The following LYRM4 variants were observed in gnomAD, a reference collection of about 807,000 sequenced individuals.
LYRM4 encodes the protein LYR motif containing 4.
In LYRM4, 9 loss-of-function variants were observed where a neutral mutation model predicts 11.7. That is an observed-to-expected ratio of 0.77 (90% confidence interval 0.46 to 1.34). The LOEUF is 1.34. Ranked by LOEUF, LYRM4 falls within the 40% of genes most tolerant of loss-of-function variation. LYRM4 has a pLI of 0.00. For missense variants in LYRM4, 133 were observed against 112.5 expected (o/e 1.18, Z -0.82); for synonymous variants, 42 against 40.4 (o/e 1.04, Z -0.15).
At chr6:5,050,435 AAC>A in the LYRM4 span, among the ~76,000 whole-genome samples, 1 of 152,258 alleles carries the variant, frequency 6.6e-6, no homozygotes, top group African/African-American at 2.4e-5. Context: ...GCATTGCTGC[AAC>A]CATCATTTGC....
chr6:5,243,713 ATTTT>A (rs1764015267), intron 1 of LYRM4, among the ~76,000 whole-genome samples: 2 of 152,210 alleles, frequency 1.3e-5, no homozygotes, highest in Admixed American at 6.5e-5. Context: ...ACAAGAAGTT[ATTTT>A]TATATATCAG....
At chr6:5,058,327 T>G in the LYRM4 span, among the ~76,000 whole-genome samples, 1 of 152,228 alleles carries the variant, frequency 6.6e-6, no homozygotes, top group Non-Finnish European at 1.5e-5. Context: ...TGGCCTTCCC[T>G]GAGTGCTGCC....
chr6:5,213,611 G>A (rs941541954), intron 2 of LYRM4, among the ~76,000 whole-genome samples: 2 of 152,138 alleles, frequency 1.3e-5, no homozygotes, highest in African/African-American at 4.8e-5. Context: ...ACAACTCCAT[G>A]AGGGTTAATA....
the LYRM4 span, among the ~76,000 whole-genome samples, chr6:5,044,540 G>A: frequency 6.6e-6 from 1 of 152,216 alleles, no homozygotes; most frequent in East Asian, 1.9e-4. Context: ...AGATCACCAT[G>A]TGCAGCGTGG....
At chr6:5,214,075 A>G (rs1350081582) in intron 2 of LYRM4, among the ~76,000 whole-genome samples, 1 of 152,204 alleles carries the variant, frequency 6.6e-6, no homozygotes, top group Admixed American at 6.5e-5. Context: ...CCCAGTGGAG[A>G]TGATGACAGC....
intron 1 of LYRM4, among the ~76,000 whole-genome samples, chr6:5,255,352 G>T (rs542350136): frequency 2.6e-5 from 4 of 152,306 alleles, no homozygotes; most frequent in African/African-American, 7.2e-5. Flanking sequence ...GCACCCAGTT[G>T]TCTTCTATTA....
the LYRM4 span, among the ~76,000 whole-genome samples, chr6:5,054,998 AC>A: frequency 3.9e-5 from 6 of 152,172 alleles, no homozygotes; most frequent in Non-Finnish European, 8.8e-5. Context: ...AGAGTCTGAC[AC>A]CTTTTAGGGT....
chr6:5,126,723 A>G (rs1030594063), intron 2 of LYRM4, among the ~76,000 whole-genome samples: 4 of 152,338 alleles, frequency 2.6e-5, no homozygotes, highest in Admixed American at 1.3e-4. Context: ...ATAGAAGCCA[A>G]ACACAAAAGG....
In LYRM4 at chr6:5,154,814, G is replaced by A. The variant is rs568203461; in HGVS notation, c.208-45323C>T. Among the ~76,000 whole-genome samples, 77 of 151,928 alleles carry A rather than the reference G, an allele frequency of 5.1e-4. 1 individual carries two copies. Among genetic ancestry groups the A allele is most frequent in the East Asian group, 4.7e-3 (24 of 5,128 alleles). Reference sequence around the variant, plus strand: ...AGCCTGGGCGACAGAGCGAGACTCCGTCTCAAAAAATAAATGAATAAATAA... The same window carrying A: ...AGCCTGGGCGACAGAGCGAGACTCCATCTCAAAAAATAAATGAATAAATAA... On this transcript the variant is annotated intron_variant, in intron 2 of 2. Coordinates refer to ENST00000330636, the MANE Select transcript of LYRM4 (RefSeq NM_020408.6).
intron 1 of LYRM4, among the ~76,000 whole-genome samples, chr6:5,255,588 G>C (rs745546364): frequency 6.6e-6 from 1 of 152,056 alleles, no homozygotes; most frequent in South Asian, 2.1e-4. Context: ...AAAGGCCTAA[G>C]ACCAGTTAAG....
chr6:5,124,607 A>G (rs1213283864), intron 2 of LYRM4, among the ~76,000 whole-genome samples: 2 of 152,254 alleles, frequency 1.3e-5, no homozygotes, highest in East Asian at 3.9e-4. Context: ...TTCGACTTCA[A>G]TCACCATGAT....
rs545724927 is a variant in LYRM4 at position 5,112,388 on chromosome 6, C to G, written c.208-2897G>C. 2.0e-5 allele frequency among the ~76,000 whole-genome samples: 3 copies of G among 152,226 alleles called. 1 individual carries two copies. The South Asian group carries it at 6.2e-4, about 32-fold the overall frequency. ...GTGATGAGCGAGCGAGCGAAGGAAT[C>G]TGAGCCCAATGCACTGAGAGCAAAT... On this transcript the variant is annotated intron_variant, in intron 2 of 2. Coordinates refer to ENST00000330636, the MANE Select transcript of LYRM4 (RefSeq NM_020408.6).
At chr6:5,042,374 G>A in the LYRM4 span, 6 of 151,970 alleles carry the variant, frequency 3.9e-5, no homozygotes, top group Middle Eastern at 3.2e-3. Context: ...TAAAATAATC[G>A]GCACCACCCA....
At chr6:5,165,120 A>G (rs1759001380) in intron 2 of LYRM4, among the ~76,000 whole-genome samples, 1 of 152,202 alleles carries the variant, frequency 6.6e-6, no homozygotes, top group South Asian at 2.1e-4. Flanking sequence ...CTTTGTAAGC[A>G]TACAATTAGA....
the LYRM4 span, among the ~76,000 whole-genome samples, chr6:5,051,041 C>T: frequency 1.3e-5 from 2 of 152,102 alleles, no homozygotes; most frequent in African/African-American, 4.8e-5. Context: ...GAAATTTTCA[C>T]TAGAGGACTC....
the LYRM4 span, chr6:5,066,858 C>T: frequency 5.7e-6 from 5 of 871,216 alleles, no homozygotes; most frequent in Non-Finnish European, 9.2e-6. Flanking sequence ...AGACAGGCCA[C>T]GGCGGTTCCT....
chr6:5,081,513 A>G, the LYRM4 span, among the ~76,000 whole-genome samples: 4 of 151,930 alleles, frequency 2.6e-5, no homozygotes, highest in African/African-American at 9.7e-5. Context: ...TTCATTCTCT[A>G]TCCCTGTTGC....
the LYRM4 span, among the ~76,000 whole-genome samples, chr6:5,040,395 A>G: frequency 6.6e-6 from 1 of 151,750 alleles, no homozygotes; most frequent in Non-Finnish European, 1.5e-5. Flanking sequence ...ATACATACAT[A>G]AAGAAATTTC....
chr6:5,222,284 C>T (rs1166893345), intron 1 of LYRM4, among the ~76,000 whole-genome samples: 2 of 152,004 alleles, frequency 1.3e-5, no homozygotes, highest in African/African-American at 4.8e-5. Flanking sequence ...GTACCAATAA[C>T]CAATAATGAA....
Sources: gnomAD v4.1 joint callset for allele counts (sites outside exome capture counted in the v4.1 genomes callset) on GRCh38, gnomAD v4.1.1 for gene constraint, MANE v1.5 for transcripts, NCBI Gene and HGNC (gene_info 2026-07-23, HGNC 2026-07-21) for gene names.